IFT46: variants seen among roughly 807,000 people sequenced by gnomAD.
The protein encoded by IFT46 is intraflagellar transport protein 46 homolog.
In IFT46, 19 loss-of-function variants were observed where a neutral mutation model predicts 39.6. That is an observed-to-expected ratio of 0.48 (90% CI 0.33 to 0.70). The LOEUF (loss-of-function observed/expected upper bound fraction) is 0.70, where lower values mean the gene tolerates loss of function less well. Ranked by LOEUF, IFT46 falls within the 30% of genes least tolerant of loss-of-function variation. The probability of loss-of-function intolerance (pLI) is 0.01; values close to 1 mark genes in which losing one functional copy is unlikely to be tolerated. For synonymous variants in IFT46, 117 were observed against 134.8 expected, an observed-to-expected ratio of 0.87 and a Z score of 0.91; for missense variants, 334 against 364.8, an observed-to-expected ratio of 0.92 and a Z score of 0.69.
At chr11:118,553,365 CG>C (rs1339065230) in intron 7 of IFT46, among the ~76,000 whole-genome samples, 1 of 150,492 alleles carries the variant, frequency 6.6e-6, no homozygotes, top group Non-Finnish European at 1.5e-5. Flanking sequence ...CGCTTGAACC[CG>C]GGAGGTGGAG....
intron 4 of IFT46, among the ~76,000 whole-genome samples, chr11:118,555,985 T>C (rs1937818038): frequency 6.6e-6 from 1 of 151,914 alleles, no homozygotes; most frequent in Non-Finnish European, 1.5e-5. Flanking sequence ...AAAAAAATTA[T>C]AGAAGTGTTT....
upstream of IFT46, among the ~76,000 whole-genome samples, chr11:118,574,857 C>G (rs1407288341): frequency 1.3e-5 from 2 of 152,074 alleles, no homozygotes; most frequent in Non-Finnish European, 2.9e-5. Flanking sequence ...GCCTAGAACT[C>G]CTAGCCTCAA....
intron 4 of IFT46, among the ~76,000 whole-genome samples, chr11:118,556,263 G>A (rs971126794): frequency 5.9e-5 from 9 of 152,096 alleles, no homozygotes; most frequent in Non-Finnish European, 8.8e-5. Context: ...AGGCCGAGGC[G>A]AGCGGATCAC....
At chr11:118,562,331 C>T (rs935548322) in intron 2 of IFT46, among the ~76,000 whole-genome samples, 9 of 151,108 alleles carry the variant, frequency 6.0e-5, no homozygotes, top group South Asian at 2.1e-4. Flanking sequence ...TCCCAGCTAC[C>T]GGGGGTTCTG....
chr11:118,568,297 C>G (rs1938269917), upstream of IFT46, among the ~76,000 whole-genome samples: 1 of 152,132 alleles, frequency 6.6e-6, no homozygotes, highest in Admixed American at 6.5e-5. Context: ...CGCCTGTAAT[C>G]CTAGGACTTT....
chr11:118,549,031 G>A (rs2135480635), intron 9 of IFT46, among the ~76,000 whole-genome samples: 1 of 151,722 alleles, frequency 6.6e-6, no homozygotes, highest in Non-Finnish European at 1.5e-5. Flanking sequence ...TGAGTAGCTG[G>A]GATTACAGGT....
At chr11:118,551,747 T>C (rs1555068501) in intron 9 of IFT46, 39 bp downstream of exon 9, 1 of 1,491,152 alleles carries the variant, frequency 6.7e-7, no homozygotes. Context: ...GAGCGAATAC[T>C]GTACTTTCTT....
chr11:118,558,761 C>G (rs2135500389), intron 3 of IFT46, among the ~76,000 whole-genome samples: 1 of 151,212 alleles, frequency 6.6e-6, no homozygotes, highest in South Asian at 2.1e-4. Flanking sequence ...ACTAAAAATA[C>G]AAAAATTAGC....
intron 3 of IFT46, 114 bp downstream of exon 3, chr11:118,559,671 C>T (rs549603172): frequency 2.4e-6 from 2 of 817,214 alleles, no homozygotes; most frequent in East Asian, 5.1e-5. Context: ...GCTCAAAGGT[C>T]CCTAACCCCT....
intron 3 of IFT46, chr11:118,557,418 A>T (rs1937878550): frequency 2.5e-6 from 1 of 395,794 alleles, no homozygotes; most frequent in South Asian, 3.7e-5. Flanking sequence ...AAAATCAGGG[A>T]ATATGAAGTG....
chr11:118,562,598 C>T (rs1555070755), intron 2 of IFT46, among the ~76,000 whole-genome samples: 1 of 152,112 alleles, frequency 6.6e-6, no homozygotes, highest in African/African-American at 2.4e-5. Flanking sequence ...ATAATATCCA[C>T]AGCTGTCAAG....
chr11:118,563,171 GAAGT>G (rs199718513), intron 2 of IFT46, among the ~76,000 whole-genome samples: 1,647 of 151,774 alleles, frequency 0.011, 31 homozygotes, highest in African/African-American at 0.038. Flanking sequence ...CACAATAAGT[GAAGT>G]AAGTCAGCCA....
intron 10 of IFT46, 128 bp downstream of exon 10, chr11:118,545,665 A>G: frequency 8.5e-7 from 1 of 1,181,610 alleles, no homozygotes; most frequent in Non-Finnish European, 1.3e-6. Flanking sequence ...GTGCTGCCAA[A>G]GAGCACAACG....
upstream of IFT46, among the ~76,000 whole-genome samples, chr11:118,567,146 C>T (rs927862239): frequency 9.2e-5 from 14 of 151,944 alleles, no homozygotes; most frequent in Admixed American, 2.6e-4. Flanking sequence ...GCTAGCCACT[C>T]GGGAGGCTGA....
At chr11:118,554,700 G>A in intron 6 of IFT46, 113 bp from the exon 7 acceptor site, 1 of 1,144,068 alleles carries the variant, frequency 8.7e-7, no homozygotes, top group South Asian at 1.6e-5. Flanking sequence ...TTATCATGCT[G>A]TACGCAATAC....
At chr11:118,565,569 T>C (rs1555071342) in intron 1 of IFT46, 1 of 152,034 alleles carries the variant, frequency 6.6e-6, no homozygotes, top group Non-Finnish European at 1.5e-5. Flanking sequence ...TCCCATCCGA[T>C]AATCCCAAAA....
At chr11:118,549,205 T>C (rs1022746648) in intron 9 of IFT46, among the ~76,000 whole-genome samples, 13 of 150,564 alleles carry the variant, frequency 8.6e-5, no homozygotes, top group Middle Eastern at 3.2e-3. Flanking sequence ...AGCTCCTTTT[T>C]TCTTTTCTTT....
intron 7 of IFT46, among the ~76,000 whole-genome samples, chr11:118,552,739 G>C (rs557735458): frequency 6.6e-6 from 1 of 151,600 alleles, no homozygotes; most frequent in Non-Finnish European, 1.5e-5. Flanking sequence ...GTTGCAGTGA[G>C]CTACGACTGT....
At position 118,555,049 on chromosome 11, in the gene IFT46, G is replaced by A. The variant is rs148823925; in HGVS notation, c.295C>T (p.Leu99=). ...TPQLIDLDHK[L]KPFIPDFIPA... ...ATAAAATCAGGAATGAAAGGCTTCAGTTTGTGGTCCAGGTCAATCAACTGA... is the reference window on the plus strand; with the variant it reads ...ATAAAATCAGGAATGAAAGGCTTCAATTTGTGGTCCAGGTCAATCAACTGA... Residue 99 remains leucine (L), a synonymous_variant, in exon 6 of 12, where the codon CTG becomes TTG. Coordinates refer to ENST00000264021, the MANE Select transcript of IFT46 (RefSeq NM_001168618.2). 6.2e-7 allele frequency: 1 copy of A among 1,613,988 alleles called. No individual in the cohort carries two copies. Among genetic ancestry groups the A allele is most frequent in the Non-Finnish European group, 8.5e-7 (1 of 1,179,862 alleles).
Sources: allele counts gnomAD v4.1 joint callset (sites outside exome capture counted in the v4.1 genomes callset), GRCh38; gene constraint gnomAD v4.1.1; transcripts MANE v1.5; gene names NCBI Gene and HGNC (gene_info 2026-07-23, HGNC 2026-07-21).